Variants in DMD observed in about 807,000 individuals in gnomAD.
DMD encodes the protein dystrophin.
A neutral mutation model predicts 330.1 loss-of-function variants in DMD; 63 were observed. That is an observed-to-expected ratio of 0.19 (90% CI 0.16 to 0.24). The LOEUF (loss-of-function observed/expected upper bound fraction) is 0.24. Among genes scored for constraint, DMD ranks in the 10% least tolerant of loss-of-function variants. The probability of loss-of-function intolerance (pLI) is 1.00; values close to 1 mark genes in which losing one functional copy is unlikely to be tolerated. For synonymous variants in DMD, 1,223 were observed against 959.8 expected (o/e 1.27, Z -5.07); for missense variants, 3,344 against 2,684.1 (o/e 1.25, Z -5.43).
At chrX:32,216,234 C>T (rs2097111915) in intron 44 of DMD, among the ~76,000 whole-genome samples, 1 of 111,709 alleles carries the variant, frequency 9.0e-6, no homozygotes, top group Non-Finnish European at 1.9e-5. Flanking sequence ...GTTTCTTATG[C>T]CTAAACTATG....
At chrX:32,329,985 C>T (rs1023814008) in intron 41 of DMD, among the ~76,000 whole-genome samples, 9 of 112,044 alleles carry the variant, frequency 8.0e-5, no homozygotes, top group Non-Finnish European at 1.1e-4. Context: ...GTTTTACATG[C>T]GTTAAAATAG....
chrX:32,091,431 A>G (rs1318071517), intron 44 of DMD, among the ~76,000 whole-genome samples: 1 of 111,986 alleles, frequency 8.9e-6, no homozygotes, highest in African/African-American at 3.2e-5. Flanking sequence ...AAAGCTCAAC[A>G]TCAATAAATA....
intron 56 of DMD, among the ~76,000 whole-genome samples, chrX:31,500,909 T>C (rs1266627352): frequency 1.8e-5 from 2 of 112,444 alleles, no homozygotes; most frequent in Non-Finnish European, 3.8e-5. Context: ...CAAATGTTTT[T>C]GATCTCTGAA....
At chrX:32,571,975 G>T (rs1035825584) in intron 15 of DMD, among the ~76,000 whole-genome samples, 1 of 111,868 alleles carries the variant, frequency 8.9e-6, no homozygotes, top group African/African-American at 3.2e-5. Flanking sequence ...ATGCAAATAT[G>T]ATTCTTTTGC....
At chrX:31,307,373 T>C (rs2055121358) in intron 62 of DMD, among the ~76,000 whole-genome samples, 2 of 111,942 alleles carry the variant, frequency 1.8e-5, no homozygotes, top group African/African-American at 6.5e-5. Context: ...TTATACATCT[T>C]TTTAAACAAT....
chrX:32,035,717 T>C (rs1436433370), intron 44 of DMD, among the ~76,000 whole-genome samples: 1 of 111,078 alleles, frequency 9.0e-6, no homozygotes, highest in African/African-American at 3.3e-5. Context: ...AGTAATGATT[T>C]CCTGGTAGAA....
intron 7 of DMD, among the ~76,000 whole-genome samples, chrX:32,755,315 G>GC (rs2071362837): frequency 2.3e-5 from 2 of 86,553 alleles, no homozygotes; most frequent in South Asian, 1.1e-3. Context: ...CTTCAGACAA[G>GC]GAAAAAAAAC....
At chrX:32,050,030 T>A (rs1042159629) in intron 44 of DMD, among the ~76,000 whole-genome samples, 9 of 111,876 alleles carry the variant, frequency 8.0e-5, no homozygotes, top group Non-Finnish European at 1.9e-5. Flanking sequence ...ACAACTTAGA[T>A]TCTGACAGTT....
intron 1 of DMD, among the ~76,000 whole-genome samples, chrX:33,137,632 T>C (rs774121565): frequency 8.9e-6 from 1 of 112,041 alleles, no homozygotes; most frequent in African/African-American, 3.2e-5. Flanking sequence ...TTCAGCACAC[T>C]AAAAAATTGT....
intron 59 of DMD, among the ~76,000 whole-genome samples, chrX:31,451,662 ACC>A (rs930675522): frequency 9.0e-6 from 1 of 110,518 alleles, no homozygotes; most frequent in African/African-American, 3.3e-5. Flanking sequence ...TGGGATTGTC[ACC>A]CTTTCTCGAA....
rs150082441 is a variant in DMD at position 33,160,539 on chromosome X, A to C, written c.31+50743T>G. Among the ~76,000 whole-genome samples, 68 of 112,410 alleles carry C rather than the reference A, an allele frequency of 6.0e-4. 1 individual carries two copies. The highest frequency in any genetic ancestry group is 2.0e-3 in the African/African-American group (61 of 31,003). Reference sequence around the variant, plus strand: ...AGCACAATGGTACATGGAACCCTTAAATACATTCCATTAAAACAAATACAT... The same window carrying C: ...AGCACAATGGTACATGGAACCCTTACATACATTCCATTAAAACAAATACAT... On this transcript the variant is annotated intron_variant, in intron 1 of 78. Coordinates refer to ENST00000357033, the MANE Select transcript of DMD (RefSeq NM_004006.3).
chrX:32,600,538 T>C (rs1197531966), intron 12 of DMD, among the ~76,000 whole-genome samples: 2 of 103,754 alleles, frequency 1.9e-5, no homozygotes, highest in African/African-American at 3.6e-5. Flanking sequence ...TCCGACTTCA[T>C]TGAATACCCA....
At chrX:32,958,394 C>T (rs1333247758) in intron 2 of DMD, among the ~76,000 whole-genome samples, 2 of 111,136 alleles carry the variant, frequency 1.8e-5, no homozygotes, top group African/African-American at 6.5e-5. Context: ...TATTGAAAAT[C>T]TCTGTATCTT....
chrX:32,503,246 G>T lies in DMD; in HGVS notation c.2293-1404C>A, dbSNP rs547392387. ...CAAACAATTTTAAAAAATTAGTCAG[G>T]CGTGGTGACAGGAGCCTGTAGTCCC... On this transcript the variant is annotated intron_variant, in intron 18 of 78. Transcript: ENST00000357033. Among the ~76,000 whole-genome samples the T allele has an allele frequency of 9.0e-5, 10 of 111,262 alleles. No individual in the cohort carries two copies. The South Asian group carries it at 3.8e-3, about 43-fold the overall frequency.
At chrX:31,191,302 T>C (rs762331082) in intron 67 of DMD, among the ~76,000 whole-genome samples, 9 of 111,601 alleles carry the variant, frequency 8.1e-5, no homozygotes, top group Non-Finnish European at 1.7e-4. Flanking sequence ...TATCCATAAA[T>C]AGAATTCCTA....
chrX:31,173,161 G>A (rs1411733532), intron 72 of DMD, among the ~76,000 whole-genome samples: 1 of 111,259 alleles, frequency 9.0e-6, no homozygotes, highest in Non-Finnish European at 1.9e-5. Context: ...TACACAAACG[G>A]AAAGCTGATG....
intron 1 of DMD, among the ~76,000 whole-genome samples, chrX:33,108,614 C>T (rs1456985811): frequency 1.9e-5 from 2 of 106,473 alleles, no homozygotes; most frequent in Non-Finnish European, 3.9e-5. Context: ...GGTGGCTCAC[C>T]CCTGTAATCC....
chrX:32,869,590 T>C (rs1387245145), intron 2 of DMD, among the ~76,000 whole-genome samples: 2 of 108,529 alleles, frequency 1.8e-5, no homozygotes. Flanking sequence ...ACACAAGAAC[T>C]TCACAATGCT....
In DMD at chrX:32,925,145, G is replaced by GTTTTTTTTTTTTTTTT. The variant is rs777224221; in HGVS notation, c.94-75341_94-75326dup. ...TAAGTAGGTTTTTCAAAAACTCTGG[G>GTTTTTTTTTTTTTTTT]TTTTTTTTTTTTTTTTTTTTTTTTT... On this transcript the variant is annotated intron_variant, in intron 2 of 78. Transcript: ENST00000357033. Among the ~76,000 whole-genome samples the GTTTTTTTTTTTTTTTT allele has an allele frequency of 8.2e-5, 4 of 48,531 alleles. 1 individual carries two copies. Among genetic ancestry groups the GTTTTTTTTTTTTTTTT allele is most frequent in the African/African-American group, 3.2e-4 (4 of 12,500 alleles). The allele number at this position is 48,531 out of a possible 115,157, so 42.1% of individuals were successfully genotyped here.
Sources: gnomAD v4.1 joint callset for allele counts (sites outside exome capture counted in the v4.1 genomes callset) on GRCh38, gnomAD v4.1.1 for gene constraint, MANE v1.5 for transcripts, NCBI Gene and HGNC (gene_info 2026-07-23, HGNC 2026-07-21) for gene names.